PPEF2: variants seen among roughly 807,000 people sequenced by gnomAD.
PPEF2 encodes the protein serine/threonine-protein phosphatase with EF-hands 2.
A neutral mutation model predicts 84.7 loss-of-function variants in PPEF2; 84 were observed. The observed-to-expected ratio is 0.99, with a 90% CI of 0.83 to 1.19. The LOEUF (loss-of-function observed/expected upper bound fraction) is 1.19, where lower values mean the gene tolerates loss of function less well. Among genes scored for constraint, PPEF2 ranks in the 50% most tolerant of loss-of-function variants. The pLI, the probability that PPEF2 is intolerant of heterozygous loss-of-function variation, is 0.00. For synonymous variants in PPEF2, 346 were observed against 345.2 expected (o/e 1.00, Z -0.03); for missense variants, 924 against 937.5 (o/e 0.99, Z 0.19).
intron 11 of PPEF2, 117 bp from the exon 12 acceptor site, chr4:75,873,429 G>A: frequency 1.1e-6 from 1 of 945,934 alleles, no homozygotes; most frequent in South Asian, 1.8e-5. Context: ...GTGAATAAAT[G>A]TCCATGCAAG....
intron 2 of PPEF2, among the ~76,000 whole-genome samples, chr4:75,895,777 T>C (rs1308602403): frequency 1.3e-5 from 2 of 151,990 alleles, no homozygotes; most frequent in East Asian, 3.9e-4. Context: ...CCTTGATCTG[T>C]CGTCCAGGCT....
At chr4:75,886,365 G>C (rs1724724601) in intron 7 of PPEF2, among the ~76,000 whole-genome samples, 2 of 152,174 alleles carry the variant, frequency 1.3e-5, no homozygotes, top group Non-Finnish European at 2.9e-5. Context: ...CCCTCCTCCT[G>C]GGAAACCGGG....
intron 1 of PPEF2, among the ~76,000 whole-genome samples, chr4:75,898,301 C>T (rs1505612): frequency 0.75 from 114,134 of 152,200 alleles, 44,090 homozygotes; most frequent in East Asian, 0.98. Context: ...GGCCAGTTTA[C>T]GGCCAGATTT....
intron 3 of PPEF2, 33 bp from the exon 4 acceptor site, chr4:75,891,738 A>T: frequency 6.2e-7 from 1 of 1,602,904 alleles, no homozygotes; most frequent in Non-Finnish European, 8.5e-7. Flanking sequence ...GTGGCTTTAG[A>T]GGTGAGCGAA....
chr4:75,862,877 T>C (rs958774012), intron 16 of PPEF2, among the ~76,000 whole-genome samples: 4 of 152,194 alleles, frequency 2.6e-5, no homozygotes, highest in Non-Finnish European at 4.4e-5. Context: ...TTGTTCATAA[T>C]AGCCAAAAGT....
rs978640976 is a variant in PPEF2, at chr4:75,860,459, G to A, written c.*208C>T. 11 of 595,628 alleles carry A rather than the reference G, an allele frequency of 1.8e-5. No individual in the cohort carries two copies. Among genetic ancestry groups the A allele is most frequent in the Non-Finnish European group, 3.2e-5 (11 of 344,808 alleles). The allele number at this position is 595,628 out of a possible 1,614,324, so 36.9% of individuals were successfully genotyped here. On this transcript the variant is annotated 3_prime_UTR_variant, in exon 17 of 17. Transcript: ENST00000286719. ...AAGTTCTACTTTGTGAAGATTGTGA[G>A]GTGGGGTTGGGGCACTCATATACTT...
At chr4:75,899,221 T>G (rs534926969) in intron 1 of PPEF2, among the ~76,000 whole-genome samples, 74 of 152,354 alleles carry the variant, frequency 4.9e-4, no homozygotes, top group African/African-American at 1.8e-3. Context: ...AGTATTCCAC[T>G]GTACATATAT....
At chr4:75,892,145 G>A (rs1724905595) in intron 2 of PPEF2, among the ~76,000 whole-genome samples, 167 bp from the exon 3 acceptor site, 2 of 152,150 alleles carry the variant, frequency 1.3e-5, no homozygotes, top group Non-Finnish European at 2.9e-5. Context: ...CCTTTCTGCT[G>A]GCAATAGTGC....
chr4:75,891,401 C>T (rs1184497963), intron 4 of PPEF2, among the ~76,000 whole-genome samples: 6 of 152,188 alleles, frequency 3.9e-5, no homozygotes, highest in Non-Finnish European at 7.4e-5. Context: ...ATCCCTTCCC[C>T]ACTCCCTCCC....
At chr4:75,880,038 C>T (rs1446130733) in intron 10 of PPEF2, among the ~76,000 whole-genome samples, 4 of 152,022 alleles carry the variant, frequency 2.6e-5, no homozygotes, top group African/African-American at 7.3e-5. Context: ...CCATGTTGGC[C>T]AGGATTGTCT....
chr4:75,902,115 G>A (rs948835120), intron 1 of PPEF2, 115 bp downstream of exon 1: 7 of 152,322 alleles, frequency 4.6e-5, no homozygotes, highest in Admixed American at 2.6e-4. Context: ...TAACAGAGGA[G>A]CTGTCTTTGA....
chr4:75,893,689 T>C (rs1203709362), intron 2 of PPEF2, among the ~76,000 whole-genome samples: 2 of 152,202 alleles, frequency 1.3e-5, no homozygotes, highest in African/African-American at 4.8e-5. Context: ...TAATTCATAC[T>C]TGTGCTAAAG....
intron 13 of PPEF2, among the ~76,000 whole-genome samples, chr4:75,868,258 G>C (rs144186123): frequency 0.011 from 1,419 of 132,836 alleles, 25 homozygotes; most frequent in African/African-American, 0.037. Context: ...AGAGGCTGCA[G>C]TGAGCCAAGA....
At chr4:75,872,647 AG>A (rs1329295813) in intron 12 of PPEF2, among the ~76,000 whole-genome samples, 1 of 152,204 alleles carries the variant, frequency 6.6e-6, no homozygotes, top group Non-Finnish European at 1.5e-5. Context: ...TCTCTTCCTG[AG>A]GATTTACAGT....
rs772474059 is a variant in PPEF2 at position 75,876,473 on chromosome 4, G to A, written c.1134C>T (p.Ser378=). 1.9e-6 allele frequency: 3 copies of A among 1,613,958 alleles called. No individual in the cohort carries two copies. The South Asian group carries it at 3.3e-5, about 18-fold the overall frequency. ...KTSRSSSIPC[S]GSLDGRELSR... ...AGAGCTCCCGCCCGTCCAGGGAACCGCTGCAGGGGATGCTGGAGGACCTGC... is the reference window on the plus strand; with the variant it reads ...AGAGCTCCCGCCCGTCCAGGGAACCACTGCAGGGGATGCTGGAGGACCTGC... Residue 378 remains serine, a synonymous_variant, in exon 11 of 17, where the codon AGC becomes AGT. Coordinates refer to ENST00000286719, the MANE Select transcript of PPEF2 (RefSeq NM_006239.3).
chr4:75,894,361 C>T (rs1724960571), intron 2 of PPEF2, among the ~76,000 whole-genome samples: 1 of 151,878 alleles, frequency 6.6e-6, no homozygotes, highest in South Asian at 2.1e-4. Flanking sequence ...TATGACATCC[C>T]TTTAAGGAAA....
rs761242096 is a variant in PPEF2 at position 75,883,220 on chromosome 4, A to G, written c.747-18T>C. 136 of 1,607,616 alleles carry G rather than the reference A, an allele frequency of 8.5e-5. No individual in the cohort carries two copies. In the East Asian group the frequency reaches 1.3e-3, roughly 16 times the overall value. On this transcript the variant is annotated intron_variant, in intron 8 of 16. Coordinates refer to ENST00000286719, the MANE Select transcript of PPEF2 (RefSeq NM_006239.3). ...AGCCATATCTAGATTTAGAAGCACA[A>G]ATAGATATTAGAGTAAACTGGGTGA...
At chr4:75,862,272 G>T (rs1724023015) in intron 16 of PPEF2, among the ~76,000 whole-genome samples, 1 of 130,106 alleles carries the variant, frequency 7.7e-6, no homozygotes, top group African/African-American at 3.0e-5. Flanking sequence ...CAGCCTAGGT[G>T]ACAGAGCGAG....
At chr4:75,884,934 A>G (rs1478147357) in intron 7 of PPEF2, 174 bp from the exon 8 acceptor site, 3 of 560,780 alleles carry the variant, frequency 5.3e-6, no homozygotes, top group Non-Finnish European at 9.1e-6. Context: ...TATTGGTCTT[A>G]TATTTCCTTT....
Sources: allele counts gnomAD v4.1 joint callset (sites outside exome capture counted in the v4.1 genomes callset), GRCh38; gene constraint gnomAD v4.1.1; transcripts MANE v1.5; gene names NCBI Gene and HGNC (gene_info 2026-07-23, HGNC 2026-07-21).